Variants in MPPED1 observed in about 807,000 individuals in gnomAD.
The protein encoded by MPPED1 is metallophosphoesterase domain-containing protein 1.
Under a neutral mutation model 36.2 loss-of-function variants are expected in MPPED1, and 16 were observed. The ratio of observed to expected loss-of-function variants is 0.44; its 90% CI spans 0.30 to 0.67. The LOEUF (loss-of-function observed/expected upper bound fraction) is 0.67. Among genes scored for constraint, MPPED1 ranks in the 30% least tolerant of loss-of-function variants. MPPED1 has a pLI of 0.10. For missense variants in MPPED1, 307 were observed against 453.4 expected (o/e 0.68, Z 2.93); for synonymous variants, 199 against 191.3 (o/e 1.04, Z -0.33).
rs71284734 is a variant in MPPED1, at chr22:43,455,115, C to CTTTTTTTTT, written c.407-19617_407-19609dup. Among the ~76,000 whole-genome samples the CTTTTTTTTT allele has an allele frequency of 4.1e-5, 5 of 122,768 alleles. 1 individual carries two copies. The highest frequency in any genetic ancestry group is 1.7e-4 in the Admixed American group (2 of 11,674). The allele number at this position is 122,768 out of a possible 152,430, so 80.5% of individuals were successfully genotyped here. On this transcript the variant is annotated intron_variant, in intron 3 of 6. Coordinates refer to ENST00000443721, the MANE Select transcript of MPPED1 (RefSeq NM_001044370.2). Reference sequence around the variant, plus strand: ...TTCTCTGCCTCTCTGCCTTCATGTCCTTTTTTTTTTTTGAGACGAAGTCTT... The same window carrying CTTTTTTTTT: ...TTCTCTGCCTCTCTGCCTTCATGTCCTTTTTTTTTTTTTTTTTTTTTGAGACGAAGTCTT...
At chr22:43,497,785 A>T (rs1296364864) in intron 4 of MPPED1, among the ~76,000 whole-genome samples, 1 of 142,424 alleles carries the variant, frequency 7.0e-6, no homozygotes, top group Non-Finnish European at 1.5e-5. Flanking sequence ...GGGGGTCCAC[A>T]CACCCCACCT....
intron 3 of MPPED1, among the ~76,000 whole-genome samples, chr22:43,471,202 A>T (rs576426811): frequency 1.9e-4 from 29 of 152,388 alleles, no homozygotes; most frequent in Non-Finnish European, 3.4e-4. Context: ...CCAGTCAAAG[A>T]CATGACATAA....
chr22:43,489,988 C>G (rs376608192), intron 4 of MPPED1, among the ~76,000 whole-genome samples: 2 of 152,186 alleles, frequency 1.3e-5, no homozygotes, highest in South Asian at 4.1e-4. Flanking sequence ...CAGAGGAGAG[C>G]AAGAGGACTG....
rs774283579 is a variant in MPPED1, at chr22:43,435,092, G to A, written c.283G>A (p.Val95Ile). 5.0e-6 allele frequency: 8 copies of A among 1,613,898 alleles called. No homozygotes were observed. Among genetic ancestry groups the A allele is most frequent in the South Asian group, 1.1e-5 (1 of 91,080 alleles). Reference protein sequence around the residue: ...KPPGYTRFVCVSDTHSRTDPI... With the variant: ...KPPGYTRFVCISDTHSRTDPI... ...TCCAGGCTACACCCGCTTCGTCTGC[G>A]TCTCTGATACCCACTCGAGGACGGA... The change falls in exon 3 of 7, where the codon GTC becomes ATC. Residue 95 changes from valine (V) to isoleucine (I), a missense_variant. Transcript: ENST00000443721.
intron 4 of MPPED1, among the ~76,000 whole-genome samples, chr22:43,490,223 A>G (rs1012867234): frequency 1.3e-5 from 2 of 152,188 alleles, no homozygotes; most frequent in African/African-American, 4.8e-5. Flanking sequence ...CCTTCTATGC[A>G]TTTGGAGATG....
At chr22:43,432,822 GAA>G (rs1929791569) in intron 2 of MPPED1, among the ~76,000 whole-genome samples, 2 of 80,266 alleles carry the variant, frequency 2.5e-5, no homozygotes, top group Non-Finnish European at 5.9e-5. Flanking sequence ...GAGAGAGAGA[GAA>G]AGGGAGGAGA....
chr22:43,502,298 G>A lies in MPPED1; in HGVS notation c.749-346G>A, dbSNP rs1188027188. ...GCCTCCGTTTGCTGATCTCTGCGGT[G>A]GGCGGATGCCACCCTTGAGGCCACT... On this transcript the variant is annotated intron_variant, in intron 5 of 6. Transcript: ENST00000443721. The surrounding 1 kb of genome is among the most constrained non-coding windows in gnomAD (Gnocchi z 5.5). Among the ~76,000 whole-genome samples the A allele has an allele frequency of 1.3e-5, 2 of 152,142 alleles. No homozygotes were observed. The highest frequency in any genetic ancestry group is 4.1e-4 in the South Asian group (2 of 4,826).
chr22:43,458,931 T>C (rs946148388), intron 3 of MPPED1, among the ~76,000 whole-genome samples: 11 of 152,226 alleles, frequency 7.2e-5, no homozygotes, highest in Admixed American at 2.6e-4. Context: ...ATTGTCTGCT[T>C]TCTGACAGTT....
At chr22:43,434,444 C>T (rs773367515) in intron 2 of MPPED1, among the ~76,000 whole-genome samples, 2 of 152,236 alleles carry the variant, frequency 1.3e-5, no homozygotes, top group Non-Finnish European at 2.9e-5. Flanking sequence ...GTCCTCATCG[C>T]CCGACCACAG....
chr22:43,479,705 G>C (rs1931690324), intron 4 of MPPED1, among the ~76,000 whole-genome samples: 1 of 152,218 alleles, frequency 6.6e-6, no homozygotes, highest in African/African-American at 2.4e-5. Flanking sequence ...CCCATTCCCA[G>C]GAGGTCCTCT....
At chr22:43,476,829 G>A (rs1016027633) in intron 4 of MPPED1, among the ~76,000 whole-genome samples, 3 of 152,120 alleles carry the variant, frequency 2.0e-5, no homozygotes, top group Non-Finnish European at 2.9e-5. Flanking sequence ...GGAGAGGAGG[G>A]GAGGTGGCTG....
At chr22:43,436,142 C>A (rs1189282979) in intron 3 of MPPED1, among the ~76,000 whole-genome samples, 1 of 152,208 alleles carries the variant, frequency 6.6e-6, no homozygotes, top group South Asian at 2.1e-4. Context: ...ACCTAGGGGA[C>A]CCCCTGGGAA....
At chr22:43,495,905 G>A (rs1413124692) in intron 4 of MPPED1, among the ~76,000 whole-genome samples, 1 of 139,470 alleles carries the variant, frequency 7.2e-6, no homozygotes, top group African/African-American at 2.7e-5. Context: ...GGAGATGGTG[G>A]TGGTGGAGGT....
intron 3 of MPPED1, among the ~76,000 whole-genome samples, chr22:43,457,211 C>T (rs992511327): frequency 6.6e-6 from 1 of 152,140 alleles, no homozygotes; most frequent in South Asian, 2.1e-4. Flanking sequence ...TGATACAAAT[C>T]GCCAGTGAAG....
At chr22:43,421,411 TC>T (rs1929270917) in intron 1 of MPPED1, among the ~76,000 whole-genome samples, 1 of 152,256 alleles carries the variant, frequency 6.6e-6, no homozygotes, top group Non-Finnish European at 1.5e-5. Flanking sequence ...CGCCTGCCTT[TC>T]CCGGCTGAGT....
intron 4 of MPPED1, among the ~76,000 whole-genome samples, chr22:43,495,561 TGGTGGA>T: frequency 1.1e-5 from 1 of 93,694 alleles, no homozygotes; most frequent in African/African-American, 3.8e-5. Context: ...GAGATGGTGG[TGGTGGA>T]GGTGATGGTG....
chr22:43,464,482 G>A (rs1455543517), intron 3 of MPPED1, among the ~76,000 whole-genome samples: 2 of 152,120 alleles, frequency 1.3e-5, no homozygotes, highest in African/African-American at 4.8e-5. Flanking sequence ...TAGCTAAGTG[G>A]GTCTGGAGGC....
chr22:43,413,830 C>T (rs189625790), intron 1 of MPPED1, among the ~76,000 whole-genome samples: 77 of 152,336 alleles, frequency 5.1e-4, no homozygotes, highest in African/African-American at 1.8e-3. Flanking sequence ...ATAATCCAGT[C>T]ACGGAGGCTT....
chr22:43,465,451 C>T (rs547905841), intron 3 of MPPED1, among the ~76,000 whole-genome samples: 1 of 152,236 alleles, frequency 6.6e-6, no homozygotes, highest in East Asian at 1.9e-4. Flanking sequence ...GACGACGGAA[C>T]CTCATGGATT....
Sources: allele counts gnomAD v4.1 joint callset (sites outside exome capture counted in the v4.1 genomes callset), GRCh38; gene constraint gnomAD v4.1.1; non-coding constraint Gnocchi (gnomAD v3.1); transcripts MANE v1.5; gene names NCBI Gene and HGNC (gene_info 2026-07-23, HGNC 2026-07-21).